The following ACTR2 variants were observed in gnomAD, a reference collection of about 807,000 sequenced individuals.
The protein encoded by ACTR2 is actin-related protein 2.
ACTR2 carries 5 observed loss-of-function variants against 50.2 expected under a neutral mutation model. That is an observed-to-expected ratio of 0.10 (90% confidence interval 0.05 to 0.21). ACTR2 has a LOEUF of 0.21. Ranked by LOEUF, ACTR2 falls within the 10% of genes least tolerant of loss-of-function variation. The probability of loss-of-function intolerance (pLI) is 1.00; values close to 1 mark genes in which losing one functional copy is unlikely to be tolerated. For synonymous variants in ACTR2, 140 were observed against 162.9 expected, an observed-to-expected ratio of 0.86 and a Z score of 1.07; for missense variants, 180 against 480.6, an observed-to-expected ratio of 0.37 and a Z score of 5.85.
At chr2:65,259,373 G>C (rs1056807413) in intron 6 of ACTR2, among the ~76,000 whole-genome samples, 30 of 152,164 alleles carry the variant, frequency 2.0e-4, no homozygotes, top group African/African-American at 5.5e-4. Context: ...AGTGAGCCAT[G>C]ATCACACCAC....
intron 1 of ACTR2, among the ~76,000 whole-genome samples, chr2:65,237,982 A>C (rs1467926327): frequency 6.6e-6 from 1 of 151,422 alleles, no homozygotes; most frequent in Non-Finnish European, 1.5e-5. Context: ...CGACAGAGTG[A>C]GACTCTGTCT....
At position 65,271,064 on chromosome 2, in the gene ACTR2, C is replaced by A. The variant is rs188901015; in HGVS notation, c.*2330C>A. On this transcript the variant is annotated 3_prime_UTR_variant, in exon 9 of 9. Transcript: ENST00000260641. ...TTAGAAATACATTTAGTAAAGTCCC[C>A]AAGACATTAGTCTTACATTTAAACT... The A allele has an allele frequency of 6.6e-6, 1 of 152,038 alleles. No homozygotes were observed. The highest frequency in any genetic ancestry group is 1.5e-5 in the Non-Finnish European group (1 of 67,998). The allele number at this position is 152,038 out of a possible 1,614,324, so 9.4% of individuals were successfully genotyped here. A position where few individuals can be genotyped will look rare whatever the true frequency, so the allele number is the denominator to read the frequency against.
intron 1 of ACTR2, among the ~76,000 whole-genome samples, chr2:65,234,576 A>G (rs936502434): frequency 2.0e-4 from 31 of 152,224 alleles, no homozygotes; most frequent in African/African-American, 6.8e-4. Context: ...AACGATTATA[A>G]TTGGAAGACT....
At chr2:65,263,325 ACT>A (rs3980320) in intron 7 of ACTR2, among the ~76,000 whole-genome samples, 19 of 147,282 alleles carry the variant, frequency 1.3e-4, no homozygotes, top group African/African-American at 4.5e-4. Flanking sequence ...TTTCACAGAT[ACT>A]CTCTCTGTTT....
chr2:65,231,421 TATA>T (rs1471107883), intron 1 of ACTR2, among the ~76,000 whole-genome samples: 2 of 152,240 alleles, frequency 1.3e-5, no homozygotes, highest in Non-Finnish European at 2.9e-5. Context: ...TACCTGAAGT[TATA>T]ATGATTCCTT....
intron 1 of ACTR2, among the ~76,000 whole-genome samples, chr2:65,232,646 C>T (rs1003208185): frequency 1.3e-5 from 2 of 151,850 alleles, no homozygotes; most frequent in African/African-American, 4.8e-5. Context: ...TTATAAATCC[C>T]AGGTTATTAT....
intron 1 of ACTR2, among the ~76,000 whole-genome samples, chr2:65,239,237 C>T (rs1671796449): frequency 2.0e-5 from 3 of 152,174 alleles, no homozygotes. Context: ...GGCGGATCAC[C>T]TGAGGTCGGG....
At chr2:65,256,613 T>C (rs983073064) in intron 6 of ACTR2, among the ~76,000 whole-genome samples, 7 of 152,218 alleles carry the variant, frequency 4.6e-5, no homozygotes, top group Non-Finnish European at 8.8e-5. Context: ...GGCTCACGCC[T>C]GTAATCCCAG....
In ACTR2 at chr2:65,269,861, C is replaced by T. The variant is rs1434322770; in HGVS notation, c.*1127C>T. On this transcript the variant is annotated 3_prime_UTR_variant, in exon 9 of 9. Transcript: ENST00000260641. ...TTGTTTTGTTTGTTTTGATTTGAAA[C>T]CTGGAAATACAGTAAAATTTGACTG... 6.6e-6 allele frequency: 1 copy of T among 151,972 alleles called. No homozygotes were observed. Among genetic ancestry groups the T allele is most frequent in the African/African-American group, 2.4e-5 (1 of 41,348 alleles). The allele number at this position is 151,972 out of a possible 1,614,324, so 9.4% of individuals were successfully genotyped here. A position where few individuals can be genotyped will look rare whatever the true frequency, so the allele number is the denominator to read the frequency against.
intron 2 of ACTR2, 22 bp from the exon 3 acceptor site, chr2:65,246,502 C>T (rs1671942453): frequency 6.5e-7 from 1 of 1,526,776 alleles, no homozygotes; most frequent in East Asian, 2.3e-5. Context: ...CTTTGATCTA[C>T]AGCTTTGACA....
chr2:65,233,785 A>G (rs1184510990), intron 1 of ACTR2, among the ~76,000 whole-genome samples: 1 of 151,692 alleles, frequency 6.6e-6, no homozygotes, highest in Non-Finnish European at 1.5e-5. Context: ...CCAATTTTGT[A>G]CTTTTAGTAG....
chr2:65,231,831 A>C (rs993731225), intron 1 of ACTR2, among the ~76,000 whole-genome samples: 1 of 152,166 alleles, frequency 6.6e-6, no homozygotes, highest in Non-Finnish European at 1.5e-5. Flanking sequence ...CATGAAATAC[A>C]CTAACAATAG....
intron 2 of ACTR2, among the ~76,000 whole-genome samples, chr2:65,244,411 C>T (rs1332433929): frequency 6.6e-6 from 1 of 152,028 alleles, no homozygotes; most frequent in Non-Finnish European, 1.5e-5. Flanking sequence ...GAAAATGTAG[C>T]AATATTGAAA....
intron 1 of ACTR2, among the ~76,000 whole-genome samples, chr2:65,230,906 T>A (rs1671625434): frequency 1.3e-5 from 2 of 151,694 alleles, no homozygotes; most frequent in South Asian, 4.2e-4. Flanking sequence ...ATACAAAAAT[T>A]AGCCGGGTGT....
chr2:65,268,450 A>G, intron 8 of ACTR2, 114 bp from the exon 9 acceptor site: 1 of 901,858 alleles, frequency 1.1e-6, no homozygotes, highest in Non-Finnish European at 1.7e-6. Flanking sequence ...CGTTCTACTT[A>G]TATTACAGGA....
At chr2:65,228,107 G>A (rs2103973982) in intron 1 of ACTR2, 150 bp downstream of exon 1, 2 of 643,224 alleles carry the variant, frequency 3.1e-6, no homozygotes, top group Admixed American at 4.4e-5. Context: ...GGGCGTGGGA[G>A]CGAGCCGGCC....
chr2:65,264,994 C>T, intron 7 of ACTR2, 49 bp from the exon 8 acceptor site: 1 of 1,607,162 alleles, frequency 6.2e-7, no homozygotes, highest in South Asian at 1.1e-5. Flanking sequence ...CCTGAGATAC[C>T]ATTTTCCTAA....
At chr2:65,255,449 G>A in intron 5 of ACTR2, 96 bp from the exon 6 acceptor site, 2 of 1,099,584 alleles carry the variant, frequency 1.8e-6, no homozygotes. Flanking sequence ...CATTCTGTTT[G>A]TTATTGATGT....
chr2:65,260,454 C>T (rs1285537518), intron 6 of ACTR2, among the ~76,000 whole-genome samples: 1 of 152,150 alleles, frequency 6.6e-6, no homozygotes, highest in East Asian at 1.9e-4. Flanking sequence ...TGCAGTGAGC[C>T]GAGATCGTGC....
Sources: gnomAD v4.1 joint callset for allele counts (sites outside exome capture counted in the v4.1 genomes callset) on GRCh38, gnomAD v4.1.1 for gene constraint, MANE v1.5 for transcripts, NCBI Gene and HGNC (gene_info 2026-07-23, HGNC 2026-07-21) for gene names.